The following SLC35F1 variants were observed in gnomAD, a reference collection of about 807,000 sequenced individuals.
SLC35F1 encodes the protein chromosome 6 open reading frame 169.
A neutral mutation model predicts 48.7 loss-of-function variants in SLC35F1; 14 were observed. That is an observed-to-expected ratio of 0.29 (90% CI 0.19 to 0.45). SLC35F1 has a LOEUF of 0.45. SLC35F1 is among the 20% of genes least tolerant of loss of function. The probability of loss-of-function intolerance (pLI) is 1.00; values close to 1 mark genes in which losing one functional copy is unlikely to be tolerated. For missense variants in SLC35F1, 404 were observed against 500.0 expected (o/e 0.81, Z 1.83); for synonymous variants, 190 against 202.2 (o/e 0.94, Z 0.51).
chr6:118,310,892 C>T (rs1189863825), intron 7 of SLC35F1, among the ~76,000 whole-genome samples: 6 of 152,108 alleles, frequency 3.9e-5, no homozygotes, highest in African/African-American at 9.7e-5. Context: ...ATTACAATAG[C>T]GAGGGCATTA....
rs116354858 is a variant in SLC35F1, at chr6:118,067,302, A to G, written c.174-87143A>G. On this transcript the variant is annotated intron_variant, in intron 1 of 7. Coordinates refer to ENST00000360388, the MANE Select transcript of SLC35F1 (RefSeq NM_001029858.4). The stretch of plus-strand genomic sequence containing the variant: ...GATAGGAATACAAGTAGAGAGGTAG[A>G]ACACAATTTAGAATTCAGGACTAGT... Among the ~76,000 whole-genome samples, 415 of 152,308 alleles carry G rather than the reference A, an allele frequency of 2.7e-3. 1 individual carries two copies. The highest frequency in any genetic ancestry group is 9.5e-3 in the African/African-American group (395 of 41,568).
chr6:118,115,358 A>C (rs1773463054), intron 1 of SLC35F1, among the ~76,000 whole-genome samples: 2 of 152,222 alleles, frequency 1.3e-5, no homozygotes, highest in South Asian at 4.1e-4. Context: ...TAGAAGGGAA[A>C]TAACAATACC....
intron 2 of SLC35F1, among the ~76,000 whole-genome samples, chr6:118,200,738 A>G (rs535228634): frequency 1.3e-5 from 2 of 152,242 alleles, no homozygotes; most frequent in African/African-American, 4.8e-5. Flanking sequence ...ATATTTTTCT[A>G]TCGTAACAGT....
intron 1 of SLC35F1, among the ~76,000 whole-genome samples, chr6:118,094,390 G>A (rs1271804926): frequency 1.3e-5 from 2 of 152,150 alleles, no homozygotes; most frequent in African/African-American, 2.4e-5. Context: ...ATGAAGCAAA[G>A]GTCATCAGCT....
intron 1 of SLC35F1, among the ~76,000 whole-genome samples, chr6:117,974,884 G>A (rs1195398007): frequency 7.2e-5 from 11 of 152,172 alleles, no homozygotes; most frequent in African/African-American, 2.7e-4. Context: ...GAAGACAAGT[G>A]GACTCACATA....
At chr6:118,163,424 TCACACACACACA>T (rs67416879) in intron 2 of SLC35F1, among the ~76,000 whole-genome samples, 10 of 150,220 alleles carry the variant, frequency 6.7e-5, no homozygotes, top group Admixed American at 2.7e-4. Context: ...ACACTCACAC[TCACACACACACA>T]CACACACACA....
rs557723907 is a variant in SLC35F1, at chr6:118,067,736, AG to A, written c.174-86706del. Among the ~76,000 whole-genome samples, 208 of 152,334 alleles carry A rather than the reference AG, an allele frequency of 1.4e-3. 1 individual carries two copies. Among genetic ancestry groups the A allele is most frequent in the African/African-American group, 4.9e-3 (202 of 41,572 alleles). On this transcript the variant is annotated intron_variant, in intron 1 of 7. Transcript: ENST00000360388. ...AAATTAGATTAAAGCAGGACGACAA[AG>A]GGACAATGAGAAAGCAGAGGCAGGA...
chr6:118,014,151 T>C (rs1246952087), intron 1 of SLC35F1, among the ~76,000 whole-genome samples: 3 of 152,214 alleles, frequency 2.0e-5, no homozygotes, highest in Non-Finnish European at 4.4e-5. Context: ...ATGGGTATAA[T>C]AATATTTACT....
At chr6:118,030,785 T>C (rs1772034075) in intron 1 of SLC35F1, among the ~76,000 whole-genome samples, 1 of 152,222 alleles carries the variant, frequency 6.6e-6, no homozygotes, top group Admixed American at 6.5e-5. Flanking sequence ...CTGTTCTCTC[T>C]TTGAAGCTTT....
rs71554895 is a variant in SLC35F1 at position 118,256,205 on chromosome 6, GGTGTGTGTGTGT to G, written c.478-10752_478-10741del. ...GCCTGTCAGCTTAAAGAAGACTTCT[GGTGTGTGTGTGT>G]GTGTGTGTGTGTGTGTGTGTGTGTG... On this transcript the variant is annotated intron_variant, in intron 3 of 7. Transcript: ENST00000360388. Among the ~76,000 whole-genome samples, 1,384 of 143,202 alleles carry G rather than the reference GGTGTGTGTGTGT, an allele frequency of 9.7e-3. 16 individuals are homozygous for G. Among genetic ancestry groups the G allele is most frequent in the African/African-American group, 0.028 (1,033 of 37,406 alleles). 93.9% of individuals were successfully genotyped at this position (143,202 alleles called of 152,430 possible).
In SLC35F1 at chr6:117,923,611, A is replaced by ATGTATACATATATG. The variant is rs1554216657; in HGVS notation, c.173+15713_173+15714insGTATACATATATGT. ...TATATACATATGTGTATATATACAT[A>ATGTATACATATATG]TACATATGTATATATACATATATGT... On this transcript the variant is annotated intron_variant, in intron 1 of 7. Transcript: ENST00000360388. Among the ~76,000 whole-genome samples, 9 of 19,874 alleles carry ATGTATACATATATG rather than the reference A, an allele frequency of 4.5e-4. 2 individuals are homozygous for ATGTATACATATATG. The highest frequency in any genetic ancestry group is 3.2e-3 in the African/African-American group (9 of 2,808). 13.0% of individuals were successfully genotyped at this position (19,874 alleles called of 152,430 possible).
intron 1 of SLC35F1, among the ~76,000 whole-genome samples, chr6:118,014,236 A>G (rs1367235305): frequency 2.0e-5 from 3 of 152,242 alleles, no homozygotes. Flanking sequence ...CTTAGTACAT[A>G]TAACCTACTA....
intron 1 of SLC35F1, among the ~76,000 whole-genome samples, chr6:117,945,104 G>T (rs1175259225): frequency 6.6e-6 from 1 of 152,108 alleles, no homozygotes; most frequent in Admixed American, 6.5e-5. Context: ...AATATATATG[G>T]TATGGTAATG....
chr6:117,926,373 A>G (rs1202836033), intron 1 of SLC35F1, among the ~76,000 whole-genome samples: 1 of 152,186 alleles, frequency 6.6e-6, no homozygotes, highest in Non-Finnish European at 1.5e-5. Flanking sequence ...TTGTCAATTA[A>G]GCCTCTTTTC....
intron 2 of SLC35F1, among the ~76,000 whole-genome samples, chr6:118,205,360 A>G (rs549839466): frequency 9.2e-5 from 14 of 152,358 alleles, no homozygotes; most frequent in African/African-American, 3.1e-4. Context: ...AATGGCCACT[A>G]CGCACATCTA....
At chr6:118,129,019 A>G (rs1773671144) in intron 1 of SLC35F1, among the ~76,000 whole-genome samples, 1 of 152,116 alleles carries the variant, frequency 6.6e-6, no homozygotes, top group Non-Finnish European at 1.5e-5. Context: ...TGATCCATTC[A>G]TAGAATATTT....
intron 1 of SLC35F1, among the ~76,000 whole-genome samples, chr6:118,044,971 T>C (rs1285791254): frequency 2.0e-5 from 3 of 152,216 alleles, no homozygotes; most frequent in Non-Finnish European, 2.9e-5. Flanking sequence ...ATAATTTTTG[T>C]ACTATTATGT....
chr6:118,246,636 T>C (rs566216625), intron 3 of SLC35F1, among the ~76,000 whole-genome samples: 75 of 152,290 alleles, frequency 4.9e-4, no homozygotes, highest in Non-Finnish European at 8.5e-4. Flanking sequence ...ATGGTGCACG[T>C]AGACAGGTTA....
intron 1 of SLC35F1, among the ~76,000 whole-genome samples, chr6:117,929,453 A>ATGTGTGTGTGTGTGTG (rs143634465): frequency 1.5e-3 from 215 of 146,086 alleles, no homozygotes; most frequent in African/African-American, 5.4e-3. Flanking sequence ...GTATGTATTT[A>ATGTGTGTGTGTGTGTG]TGTGTGTGTG....
Sources: gnomAD v4.1 joint callset for allele counts (sites outside exome capture counted in the v4.1 genomes callset) on GRCh38, gnomAD v4.1.1 for gene constraint, MANE v1.5 for transcripts, NCBI Gene and HGNC (gene_info 2026-07-23, HGNC 2026-07-21) for gene names.